Variants in CEP112 observed in about 807,000 individuals in gnomAD.
CEP112 encodes the protein centrosomal protein 112, also known as centrosomal protein of 112 kDa.
CEP112 carries 127 observed loss-of-function variants against 153.0 expected under a neutral mutation model. That is an observed-to-expected ratio of 0.83 (90% CI 0.72 to 0.96). The LOEUF (loss-of-function observed/expected upper bound fraction) is 0.96, where lower values mean the gene tolerates loss of function less well. CEP112 is among the 40% of genes least tolerant of loss of function. CEP112 has a pLI of 0.00. For missense variants in CEP112, 1,089 were observed against 1,101.2 expected, an observed-to-expected ratio of 0.99 and a Z score of 0.16; for synonymous variants, 358 against 374.4, an observed-to-expected ratio of 0.96 and a Z score of 0.51.
At chr17:65,838,441 TTTC>T (rs2146197106) in intron 21 of CEP112, among the ~76,000 whole-genome samples, 1 of 152,242 alleles carries the variant, frequency 6.6e-6, no homozygotes, top group South Asian at 2.1e-4. Flanking sequence ...AATGTTAAAA[TTTC>T]TTGAGACAAA....
intron 21 of CEP112, among the ~76,000 whole-genome samples, chr17:65,830,783 G>C (rs1258197369): frequency 1.3e-5 from 2 of 152,178 alleles, no homozygotes; most frequent in Non-Finnish European, 2.9e-5. Context: ...CCTTACACTA[G>C]GAAACAATGG....
rs529187143 is a variant in CEP112 at position 65,809,735 on chromosome 17, G to A, written c.2394+42069C>T. 1.1e-4 allele frequency among the ~76,000 whole-genome samples: 16 copies of A among 152,282 alleles called. No homozygotes were observed. The East Asian group carries it at 3.1e-3, about 29-fold the overall frequency. On this transcript the variant is annotated intron_variant, in intron 21 of 26. Transcript: ENST00000535342. ...GTGTTTAGGAAAAGGTTGAATACCAGCCTGGAACTTCAGAAAGAGACTAGG... is the reference window on the plus strand; with the variant it reads ...GTGTTTAGGAAAAGGTTGAATACCAACCTGGAACTTCAGAAAGAGACTAGG...
At chr17:65,826,464 C>T in intron 21 of CEP112, 3 of 1,496,960 alleles carry the variant, frequency 2.0e-6, no homozygotes, top group Non-Finnish European at 1.8e-6. Context: ...GATTCCCCAC[C>T]ACAATCTCTT....
At chr17:65,695,042 T>A (rs2048290369) in intron 23 of CEP112, among the ~76,000 whole-genome samples, 1 of 152,224 alleles carries the variant, frequency 6.6e-6, no homozygotes, top group African/African-American at 2.4e-5. Context: ...TTTCTCCCAA[T>A]TAAATCTGCC....
At chr17:65,873,657 A>G (rs1376596671) in intron 20 of CEP112, 1 of 152,218 alleles carries the variant, frequency 6.6e-6, no homozygotes, top group East Asian at 1.9e-4. Flanking sequence ...TTGAAAGAGA[A>G]ATGCATGTTG....
At chr17:66,175,861 A>T (rs1322133500) in intron 3 of CEP112, among the ~76,000 whole-genome samples, 1 of 152,174 alleles carries the variant, frequency 6.6e-6, no homozygotes, top group Non-Finnish European at 1.5e-5. Context: ...TGCTTCATAA[A>T]ATGTTCTACC....
chr17:65,734,404 C>T (rs1242891104), intron 23 of CEP112, among the ~76,000 whole-genome samples: 3 of 152,170 alleles, frequency 2.0e-5, no homozygotes, highest in Non-Finnish European at 2.9e-5. Flanking sequence ...TCCACTCTTA[C>T]AAACTGACAA....
chr17:65,778,161 A>ACCTTTAT (rs1397314185), intron 21 of CEP112, among the ~76,000 whole-genome samples: 2 of 152,162 alleles, frequency 1.3e-5, no homozygotes, highest in Admixed American at 1.3e-4. Context: ...TTCAAACACC[A>ACCTTTAT]CCTTTATCCT....
chr17:65,820,301 A>G (rs530918860), intron 21 of CEP112, among the ~76,000 whole-genome samples: 16 of 152,028 alleles, frequency 1.1e-4, no homozygotes, highest in Middle Eastern at 3.4e-3. Context: ...CTTCCTACAG[A>G]CCTCAGATCT....
At chr17:66,136,290 C>G (rs972239624) in intron 4 of CEP112, among the ~76,000 whole-genome samples, 24 of 152,156 alleles carry the variant, frequency 1.6e-4, no homozygotes, top group Non-Finnish European at 2.4e-4. Context: ...ACCCCCAGTC[C>G]CAACTTCTCC....
intron 24 of CEP112, among the ~76,000 whole-genome samples, chr17:65,653,587 T>C (rs1192123881): frequency 6.6e-6 from 1 of 152,030 alleles, no homozygotes; most frequent in Non-Finnish European, 1.5e-5. Flanking sequence ...GACACAGGGC[T>C]TCTGAAGGGT....
intron 21 of CEP112, among the ~76,000 whole-genome samples, chr17:65,775,799 AG>A (rs2053644539): frequency 6.6e-6 from 1 of 152,176 alleles, no homozygotes. Context: ...CATTGCGCCC[AG>A]CAAAACCTAA....
chr17:66,022,711 GAAAAAA>G lies in CEP112; in HGVS notation c.1656+4784_1656+4789del, dbSNP rs1555771642. Among the ~76,000 whole-genome samples, 3 of 127,068 alleles carry G rather than the reference GAAAAAA, an allele frequency of 2.4e-5. No individual in the cohort carries two copies. In the East Asian group the frequency reaches 6.7e-4, roughly 28 times the overall value. The allele number at this position is 127,068 out of a possible 152,430, so 83.4% of individuals were successfully genotyped here. A position where few individuals can be genotyped will look rare whatever the true frequency, so the allele number is the denominator to read the frequency against. On this transcript the variant is annotated intron_variant, in intron 16 of 26. Transcript: ENST00000535342. ...ATGACAGAACGAGACTCCGCCTCAA[GAAAAAA>G]AAAAAAAAAAAGAAATGCCAGATAA... is the stretch of plus-strand genomic sequence containing the variant.
intron 21 of CEP112, among the ~76,000 whole-genome samples, chr17:65,828,629 C>T (rs537511131): frequency 3.3e-5 from 5 of 152,216 alleles, no homozygotes; most frequent in African/African-American, 1.2e-4. Flanking sequence ...ATGGGGTTCC[C>T]TCTTACAGCA....
chr17:65,864,230 C>G (rs958851545), intron 20 of CEP112, among the ~76,000 whole-genome samples: 2 of 152,106 alleles, frequency 1.3e-5, no homozygotes, highest in African/African-American at 4.8e-5. Flanking sequence ...CAGTTTGCCA[C>G]TCCATGTGTC....
intron 19 of CEP112, among the ~76,000 whole-genome samples, chr17:65,908,275 T>C (rs2060155705): frequency 6.6e-6 from 1 of 152,208 alleles, no homozygotes. Context: ...AGCCCTCATG[T>C]GCAAGCACCT....
chr17:65,710,675 A>G (rs1316030167), intron 23 of CEP112, among the ~76,000 whole-genome samples: 1 of 152,182 alleles, frequency 6.6e-6, no homozygotes, highest in Non-Finnish European at 1.5e-5. Context: ...CCTCTTATGT[A>G]AGAGGAACTG....
At chr17:65,843,807 G>A (rs1388483655) in intron 21 of CEP112, among the ~76,000 whole-genome samples, 1 of 152,162 alleles carries the variant, frequency 6.6e-6, no homozygotes, top group Non-Finnish European at 1.5e-5. Flanking sequence ...AACGTTTGAT[G>A]TGTTGGTATA....
intron 21 of CEP112, among the ~76,000 whole-genome samples, chr17:65,846,522 G>A (rs1031466066): frequency 7.2e-5 from 11 of 152,184 alleles, no homozygotes; most frequent in African/African-American, 2.7e-4. Flanking sequence ...ACCAGGCACA[G>A]AGGCTATCTT....
Sources: allele counts gnomAD v4.1 joint callset (sites outside exome capture counted in the v4.1 genomes callset), GRCh38; gene constraint gnomAD v4.1.1; transcripts MANE v1.5; gene names NCBI Gene and HGNC (gene_info 2026-07-23, HGNC 2026-07-21).